TAF9: variants seen among roughly 807,000 people sequenced by gnomAD.
TAF9 encodes the protein transcription initiation factor TFIID subunit 9.
A neutral mutation model predicts 16.5 loss-of-function variants in TAF9; 10 were observed. That is an observed-to-expected ratio of 0.61 (90% CI 0.37 to 1.03). The LOEUF is 1.03. Among genes scored for constraint, TAF9 ranks in the 50% least tolerant of loss-of-function variants. The pLI is 0.01. For missense variants in TAF9, 288 were observed against 319.1 expected, an observed-to-expected ratio of 0.90 and a Z score of 0.74; for synonymous variants, 105 against 120.5, an observed-to-expected ratio of 0.87 and a Z score of 0.84.
In TAF9 at chr5:69,365,497, G is replaced by C. The variant is rs758231853; in HGVS notation, c.241C>G (p.Gln81Glu). 6.2e-7 allele frequency: 1 copy of C among 1,614,050 alleles called. No homozygotes were observed. The highest frequency in any genetic ancestry group is 1.1e-5 in the South Asian group (1 of 91,056). The part of the protein sequence containing the change: ...VRLAIQCRAD[Q>E]SFTSPPPRDF... ...CTTGGGGGAGGAGAGGTAAAAGACT[G>C]ATCAGCGCGGCACTGGATTGCCAAT... is the stretch of plus-strand genomic sequence containing the variant. The change falls in exon 3 of 3, where the codon CAG (glutamine) becomes GAG (glutamate). Residue 81 changes from glutamine (Q) to glutamate (E), a missense_variant. Gln to Glu is a conservative substitution (Grantham distance 29). Transcript: ENST00000217893.
At position 69,364,962 on chromosome 5, in the gene TAF9, T is replaced by G; in HGVS notation, c.776A>C (p.Asp259Ala). The G allele has an allele frequency of 6.2e-7, 1 of 1,611,866 alleles. No individual in the cohort carries two copies. Among genetic ancestry groups the G allele is most frequent in the South Asian group, 1.1e-5 (1 of 90,890 alleles). The change falls in exon 3 of 3, where the codon GAT becomes GCT. Residue 259 changes from aspartate (D) to alanine (A), a missense_variant. Asp to Ala is a moderately radical substitution (Grantham distance 126). Transcript: ENST00000217893. ...GCTAGATTACAGATTATCATAGTCATCATCATCATCATCGTCATCATCATC... is the reference window on the plus strand; with the variant it reads ...GCTAGATTACAGATTATCATAGTCAGCATCATCATCATCGTCATCATCATC... ...EDDDDDDDDD[D>A]DYDNL
chr5:69,365,932 T>C (rs562456306), intron 2 of TAF9, among the ~76,000 whole-genome samples, 178 bp from the exon 3 acceptor site: 16 of 152,228 alleles, frequency 1.1e-4, no homozygotes, highest in Admixed American at 2.0e-4. Context: ...CTTTAATTTA[T>C]TGAGTTCCTA....
chr5:69,366,647 C>A, intron 1 of TAF9, 52 bp from the exon 2 acceptor site: 1 of 1,263,262 alleles, frequency 7.9e-7, no homozygotes. Context: ...ACTTATCACA[C>A]TGCGGTCCAC....
intron 1 of TAF9, chr5:69,369,252 T>G (rs1209529535): frequency 9.8e-5 from 2 of 20,440 alleles, no homozygotes; most frequent in Non-Finnish European, 8.5e-5. Flanking sequence ...CCCCGGAGCC[T>G]CAGGCCAACG....
upstream of TAF9, chr5:69,369,799 G>A (rs566173780): frequency 8.4e-5 from 109 of 1,298,202 alleles, no homozygotes; most frequent in Admixed American, 1.1e-4. Context: ...CGACCAGTCT[G>A]GAAGGTCCCC....
chr5:69,366,854 G>C, intron 1 of TAF9: 2 of 406,126 alleles, frequency 4.9e-6, no homozygotes, highest in Non-Finnish European at 9.1e-6. Context: ...CACCTCCCAG[G>C]TTCAAGCGAT....
intron 1 of TAF9, among the ~76,000 whole-genome samples, chr5:69,368,466 G>A (rs1310737006): frequency 6.6e-6 from 1 of 152,160 alleles, no homozygotes; most frequent in Non-Finnish European, 1.5e-5. Context: ...TCACTTTAAA[G>A]TTTTGACAAT....
Position 69,365,232 on chromosome 5 carries a change from G to C in TAF9, c.506C>G (p.Thr169Ser), listed in dbSNP as rs762833269. 1 of 1,614,074 alleles carries C rather than the reference G, an allele frequency of 6.2e-7. No individual in the cohort carries two copies. Among genetic ancestry groups the C allele is most frequent in the Non-Finnish European group, 8.5e-7 (1 of 1,180,040 alleles). The change falls in exon 3 of 3, where the codon ACC becomes AGC. Residue 169 changes from threonine (T) to serine (S), a missense_variant. By Grantham distance (58) the Thr-to-Ser change is moderately conservative (BLOSUM62 1). Coordinates refer to ENST00000217893, the MANE Select transcript of TAF9 (RefSeq NM_003187.5). ...CCCTACTTTAGTTGAAACAGACATG[G>C]TCTGTGGGGTTGGTGTGCCTAGTGT... ...TPTLGTPTPQ[T>S]MSVSTKVGTP...
chr5:69,365,819 T>C (rs1307809402), intron 2 of TAF9, 65 bp from the exon 3 acceptor site: 4 of 1,199,980 alleles, frequency 3.3e-6, no homozygotes, highest in Non-Finnish European at 3.4e-6. Flanking sequence ...TAGTAGCAAC[T>C]GTCAGGAACT....
chr5:69,366,718 C>A lies in TAF9; in HGVS notation c.-110-123G>T, dbSNP rs546114279. 40 of 708,172 alleles carry A rather than the reference C, an allele frequency of 5.6e-5. No individual in the cohort carries two copies. The African/African-American group carries it at 6.2e-4, about 11-fold the overall frequency. The allele number at this position is 708,172 out of a possible 1,614,324, so 43.9% of individuals were successfully genotyped here. A position where few individuals can be genotyped will look rare whatever the true frequency, so the allele number is the denominator to read the frequency against. On this transcript the variant is annotated intron_variant, in intron 1 of 2. Transcript: ENST00000217893. Reference sequence around the variant, plus strand: ...CACCTGGCCTCTGCCCTTAAAAGTTCTTGACGACTGAAATGAAAAATTTCC... The same window carrying A: ...CACCTGGCCTCTGCCCTTAAAAGTTATTGACGACTGAAATGAAAAATTTCC...
Position 69,365,766 on chromosome 5 carries a change from T to C in TAF9, c.-17-12A>G, listed in dbSNP as rs755129674. 1.3e-5 allele frequency: 19 copies of C among 1,485,456 alleles called. No individual in the cohort carries two copies. Among genetic ancestry groups the C allele is most frequent in the Non-Finnish European group, 1.7e-5 (19 of 1,112,194 alleles). The allele number at this position is 1,485,456 out of a possible 1,614,324, so 92.0% of individuals were successfully genotyped here. A position where few individuals can be genotyped will look rare whatever the true frequency, so the allele number is the denominator to read the frequency against. On this transcript the variant is annotated splice_polypyrimidine_tract_variant and intron_variant, in intron 2 of 2. Coordinates refer to ENST00000217893, the MANE Select transcript of TAF9 (RefSeq NM_003187.5). ...ATCCGATGATCAGACTTTAGATCATTTGAAAAAAATATGTACATTAGATCA... is the reference window on the plus strand; with the variant it reads ...ATCCGATGATCAGACTTTAGATCATCTGAAAAAAATATGTACATTAGATCA...
chr5:69,367,342 C>T (rs944748944), intron 1 of TAF9, among the ~76,000 whole-genome samples: 2 of 151,594 alleles, frequency 1.3e-5, no homozygotes, highest in Non-Finnish European at 2.9e-5. Context: ...GAAACTACAT[C>T]TCTATTAAAA....
intron 1 of TAF9, chr5:69,366,948 C>A (rs552096654): frequency 8.1e-4 from 172 of 212,356 alleles, no homozygotes; most frequent in African/African-American, 3.6e-3. Flanking sequence ...CAGTAGAGAC[C>A]GGGTTTCACC....
rs757459226 is a variant in TAF9 at position 69,365,349 on chromosome 5, T to C, written c.389A>G (p.Lys130Arg). 5.6e-6 allele frequency: 9 copies of C among 1,614,098 alleles called. No individual in the cohort carries two copies. Among genetic ancestry groups the C allele is most frequent in the Non-Finnish European group, 3.4e-6 (4 of 1,180,048 alleles). The change falls in exon 3 of 3, where the codon AAA (lysine) becomes AGA (arginine). Residue 130 changes from lysine to arginine, a missense_variant. Lys to Arg is a conservative substitution (Grantham distance 26). Transcript: ENST00000217893. ...YCLTAPNYRL[K>R]SLQKKASTSA... is the part of the protein sequence containing the mutation. Reference sequence around the variant, plus strand: ...AGTTGATGCCTTTTTCTGTAAAGATTTCAGCCTATAGTTTGGAGCTGTTAA... The same window carrying C: ...AGTTGATGCCTTTTTCTGTAAAGATCTCAGCCTATAGTTTGGAGCTGTTAA...
At chr5:69,369,416 G>A (rs768712772) in intron 1 of TAF9, 47 bp downstream of exon 1, 9 of 1,598,692 alleles carry the variant, frequency 5.6e-6, no homozygotes, top group Non-Finnish European at 6.8e-6. Context: ...AGCACTCTGC[G>A]CCCCCAGCCT....
Position 69,369,325 on chromosome 5 carries a change from G to A in TAF9, c.-111+138C>T, listed in dbSNP as rs1580334993. ...ACGCCCGCGAGGGTCGGCTCCCGGG[G>A]CGCTGACAACCGCCTCGTGGCCCTC... On this transcript the variant is annotated intron_variant, in intron 1 of 2. Transcript: ENST00000217893. The A allele has an allele frequency of 4.9e-6, 4 of 823,652 alleles. No homozygotes were observed. The East Asian group carries it at 1.2e-4, about 25-fold the overall frequency. 51.0% of individuals were successfully genotyped at this position (823,652 alleles called of 1,614,324 possible). A position where few individuals can be genotyped will look rare whatever the true frequency, so the allele number is the denominator to read the frequency against.
Position 69,365,095 on chromosome 5 carries a change from T to C in TAF9, c.643A>G (p.Asn215Asp). The C allele has an allele frequency of 6.2e-7, 1 of 1,614,270 alleles. No homozygotes were observed. The highest frequency in any genetic ancestry group is 2.2e-5 in the East Asian group (1 of 44,894). Residue 215 changes from asparagine to aspartate, a missense_variant, in exon 3 of 3, where the codon AAT becomes GAT. Transcript: ENST00000217893. ...TTTTTGGACCCGATTAATGATGGAT[T>C]AATCAGAACATTCTGAACTGCTGAG... Reference protein sequence around the residue: ...ATSAVQNVLINPSLIGSKNIL... With the variant: ...ATSAVQNVLIDPSLIGSKNIL...
rs1057503631 is a variant in TAF9 at position 69,369,231 on chromosome 5, C to T, written c.-111+232G>A. 54 of 99,358 alleles carry T rather than the reference C, an allele frequency of 5.4e-4. 1 individual carries two copies. Among genetic ancestry groups the T allele is most frequent in the Non-Finnish European group, 9.7e-4 (40 of 41,424 alleles). 6.2% of individuals were successfully genotyped at this position (99,358 alleles called of 1,614,324 possible). On this transcript the variant is annotated intron_variant, in intron 1 of 2. Transcript: ENST00000217893. Reference sequence around the variant, plus strand: ...GGATCTGCCGACCTCTCTCCACCCCCCCCCGCCCCCCCCCGGAGCCTCAGG... The same window carrying T: ...GGATCTGCCGACCTCTCTCCACCCCTCCCCGCCCCCCCCCGGAGCCTCAGG...
chr5:69,366,265 A>T (rs1465445147), intron 2 of TAF9, among the ~76,000 whole-genome samples: 1 of 152,168 alleles, frequency 6.6e-6, no homozygotes, highest in East Asian at 1.9e-4. Flanking sequence ...TCTTTATAGG[A>T]GCCTTCCCAA....
Sources: gnomAD v4.1 joint callset for allele counts (sites outside exome capture counted in the v4.1 genomes callset) on GRCh38, gnomAD v4.1.1 for gene constraint, MANE v1.5 for transcripts, NCBI Gene and HGNC (gene_info 2026-07-23, HGNC 2026-07-21) for gene names.